The following EFHC1 variants were observed in gnomAD, a reference collection of about 807,000 sequenced individuals.
The protein encoded by EFHC1 is EF-hand domain-containing protein 1.
In EFHC1, 53 loss-of-function variants were observed where a neutral mutation model predicts 69.9. That is an observed-to-expected ratio of 0.76 (90% confidence interval 0.61 to 0.95). The LOEUF (loss-of-function observed/expected upper bound fraction) is 0.95. Among genes scored for constraint, EFHC1 ranks in the 40% least tolerant of loss-of-function variants. The probability of loss-of-function intolerance (pLI) is 0.00; values close to 1 mark genes in which losing one functional copy is unlikely to be tolerated. For synonymous variants in EFHC1, 256 were observed against 278.4 expected (o/e 0.92, Z 0.80); for missense variants, 739 against 798.7 (o/e 0.93, Z 0.90).
chr6:52,459,921 G>A (rs899869508), intron 5 of EFHC1, among the ~76,000 whole-genome samples: 5 of 152,072 alleles, frequency 3.3e-5, no homozygotes, highest in East Asian at 1.9e-4. Context: ...TGATCCACCC[G>A]CCTCGGCCTC....
intron 3 of EFHC1, among the ~76,000 whole-genome samples, chr6:52,446,383 C>G (rs1764786834): frequency 6.6e-6 from 1 of 152,010 alleles, no homozygotes; most frequent in African/African-American, 2.4e-5. Context: ...GGATTGCAAC[C>G]CCTGCTTTTT....
rs1487428490 is a variant in EFHC1 at position 52,472,004 on chromosome 6, G to A, written c.1278+2531G>A. 2.0e-5 allele frequency among the ~76,000 whole-genome samples: 3 copies of A among 151,730 alleles called. No individual in the cohort carries two copies. The East Asian group carries it at 5.8e-4, about 29-fold the overall frequency. ...AAAAGATGAGAAATAAGCCAAAAAA[G>A]TCTATTTCAGTTTTGAAAAATCATC... On this transcript the variant is annotated intron_variant, in intron 7 of 10. Transcript: ENST00000371068.
chr6:52,455,383 G>A (rs780689017), intron 5 of EFHC1, among the ~76,000 whole-genome samples: 2 of 151,996 alleles, frequency 1.3e-5, no homozygotes, highest in Non-Finnish European at 2.9e-5. Context: ...GGCTGGGCAC[G>A]GTGGCTCACA....
At chr6:52,437,174 A>G (rs373418998) in intron 2 of EFHC1, among the ~76,000 whole-genome samples, 8 of 152,296 alleles carry the variant, frequency 5.3e-5, no homozygotes, top group African/African-American at 1.9e-4. Flanking sequence ...CATTCATATA[A>G]AGTTTATAAT....
chr6:52,453,414 C>T (rs557772789), intron 4 of EFHC1: 220 of 1,287,134 alleles, frequency 1.7e-4, no homozygotes, highest in South Asian at 1.4e-3. Flanking sequence ...CCTTCCCTTT[C>T]TGTACTAAAG....
Position 52,461,940 on chromosome 6 carries a change from A to G in EFHC1, c.917-2955A>G, listed in dbSNP as rs192030199. ...TGCAGTAATAACATGGATTCAAAAT[A>G]TAAGAAAAATCTGTAGCACCATTAT... On this transcript the variant is annotated intron_variant, in intron 5 of 10. Transcript: ENST00000371068. Among the ~76,000 whole-genome samples the G allele has an allele frequency of 7.6e-4, 116 of 152,288 alleles. 1 individual carries two copies. Among genetic ancestry groups the G allele is most frequent in the African/African-American group, 2.5e-3 (105 of 41,586 alleles).
chr6:52,481,424 TTGAG>T (rs1368678471), intron 9 of EFHC1: 2 of 151,736 alleles, frequency 1.3e-5, no homozygotes, highest in African/African-American at 4.9e-5. Flanking sequence ...AATCTGGAGT[TTGAG>T]TGAGAGGTCT....
intron 2 of EFHC1, among the ~76,000 whole-genome samples, chr6:52,432,031 G>A (rs1244581347): frequency 6.6e-6 from 1 of 151,930 alleles, no homozygotes; most frequent in Admixed American, 6.6e-5. Context: ...CTCACTTTTG[G>A]TGTCCATTTG....
intron 7 of EFHC1, among the ~76,000 whole-genome samples, chr6:52,477,301 T>C (rs902413699): frequency 6.6e-6 from 1 of 152,188 alleles, no homozygotes; most frequent in African/African-American, 2.4e-5. Flanking sequence ...GAAGGAATGA[T>C]ATGAGAAAAT....
intron 3 of EFHC1, among the ~76,000 whole-genome samples, chr6:52,448,788 T>A (rs1202008402): frequency 6.6e-6 from 1 of 152,210 alleles, no homozygotes; most frequent in African/African-American, 2.4e-5. Flanking sequence ...GGTTTCTGTC[T>A]CTAGTTTTGT....
chr6:52,439,063 A>G (rs1764600762), intron 3 of EFHC1, among the ~76,000 whole-genome samples: 1 of 152,204 alleles, frequency 6.6e-6, no homozygotes, highest in African/African-American at 2.4e-5. Flanking sequence ...CCATCTAAAG[A>G]ATTTCTGAAA....
chr6:52,433,703 G>A (rs542555441), intron 2 of EFHC1, among the ~76,000 whole-genome samples: 117 of 152,284 alleles, frequency 7.7e-4, no homozygotes, highest in African/African-American at 2.7e-3. Context: ...GTGGTAGTAT[G>A]GGGGGAACAG....
At chr6:52,462,229 T>C (rs909573035) in intron 5 of EFHC1, among the ~76,000 whole-genome samples, 1 of 151,476 alleles carries the variant, frequency 6.6e-6, no homozygotes, top group Non-Finnish European at 1.5e-5. Context: ...TAAAAAAAAA[T>C]ATTGTCAGAA....
chr6:52,479,120 T>C lies in EFHC1; in HGVS notation c.1362T>C (p.Pro454=). 1 of 1,614,146 alleles carries C rather than the reference T, an allele frequency of 6.2e-7. No individual in the cohort carries two copies. The highest frequency in any genetic ancestry group is 8.5e-7 in the Non-Finnish European group (1 of 1,180,000). ...CCGACATGATCAGTATCTTTGAGCC[T>C]CCTGTTCGCAATTCTGGTATCATTG... is the stretch of plus-strand genomic sequence containing the variant. ...LATDMISIFE[P]PVRNSGIIGG... is the part of the protein sequence containing the mutation. Residue 454 remains proline, a synonymous_variant, in exon 8 of 11, where the codon CCT becomes CCC. Transcript: ENST00000371068.
intron 1 of EFHC1, among the ~76,000 whole-genome samples, chr6:52,421,412 TAGC>T (rs1247111807): frequency 6.6e-6 from 1 of 152,164 alleles, no homozygotes; most frequent in Non-Finnish European, 1.5e-5. Context: ...TTTTAAAAAG[TAGC>T]AGCAGCTTGG....
chr6:52,466,333 A>C (rs577722431), intron 6 of EFHC1, among the ~76,000 whole-genome samples: 28 of 152,304 alleles, frequency 1.8e-4, no homozygotes, highest in African/African-American at 6.5e-4. Context: ...TGGTTCTACC[A>C]GTACAGCATC....
chr6:52,441,045 A>G (rs1439731751), intron 3 of EFHC1, among the ~76,000 whole-genome samples: 1 of 152,114 alleles, frequency 6.6e-6, no homozygotes, highest in Non-Finnish European at 1.5e-5. Flanking sequence ...CCTTTGTCAG[A>G]TGCATAGTTT....
chr6:52,470,210 GAAT>G (rs1435005012), intron 7 of EFHC1, among the ~76,000 whole-genome samples: 1 of 152,182 alleles, frequency 6.6e-6, no homozygotes, highest in East Asian at 1.9e-4. Flanking sequence ...GAAGACAACT[GAAT>G]AATAGATTTT....
chr6:52,490,446 C>A, intron 10 of EFHC1, 96 bp downstream of exon 10: 2 of 1,058,982 alleles, frequency 1.9e-6, no homozygotes, highest in South Asian at 1.3e-5. Context: ...TACAACTGGG[C>A]CAGATTTAGG....
Sources: allele counts gnomAD v4.1 joint callset (sites outside exome capture counted in the v4.1 genomes callset), GRCh38; gene constraint gnomAD v4.1.1; transcripts MANE v1.5; gene names NCBI Gene and HGNC (gene_info 2026-07-23, HGNC 2026-07-21).